SUMF1: variants seen among roughly 807,000 people sequenced by gnomAD.
SUMF1 encodes the protein formylglycine-generating enzyme.
A neutral mutation model predicts 47.6 loss-of-function variants in SUMF1; 48 were observed. The ratio of observed to expected loss-of-function variants is 1.01; its 90% CI spans 0.80 to 1.28. The LOEUF (loss-of-function observed/expected upper bound fraction) is 1.28, where lower values mean the gene tolerates loss of function less well. SUMF1 is among the 50% of genes most tolerant of loss of function. The probability of loss-of-function intolerance (pLI) is 0.00; values close to 1 mark genes in which losing one functional copy is unlikely to be tolerated. For synonymous variants in SUMF1, 230 were observed against 192.1 expected, an observed-to-expected ratio of 1.20 and a Z score of -1.63; for missense variants, 571 against 485.4, an observed-to-expected ratio of 1.18 and a Z score of -1.66.
chr3:4,418,240 G>A (rs1701781372), intron 4 of SUMF1, 108 bp from the exon 5 acceptor site: 1 of 1,506,326 alleles, frequency 6.6e-7, no homozygotes, highest in South Asian at 1.2e-5. Flanking sequence ...CTGTGACACT[G>A]AGGTCATCCT....
chr3:4,401,234 T>C (rs1476246830), intron 7 of SUMF1, among the ~76,000 whole-genome samples: 2 of 152,126 alleles, frequency 1.3e-5, no homozygotes, highest in Non-Finnish European at 2.9e-5. Context: ...TTTGGGTTGG[T>C]TCCAAGTCTT....
chr3:4,271,186 G>A (rs1221000036), intron 8 of SUMF1, among the ~76,000 whole-genome samples: 1 of 152,142 alleles, frequency 6.6e-6, no homozygotes, highest in African/African-American at 2.4e-5. Context: ...TTTTCTTTAT[G>A]AGGAAAAGTT....
chr3:4,283,733 T>A (rs1697575069), intron 8 of SUMF1, among the ~76,000 whole-genome samples: 1 of 152,216 alleles, frequency 6.6e-6, no homozygotes, highest in Non-Finnish European at 1.5e-5. Context: ...CAAGCTGCTA[T>A]AATAGAATAC....
At chr3:4,112,169 C>A (rs1159598828) in intron 8 of SUMF1, among the ~76,000 whole-genome samples, 2 of 152,018 alleles carry the variant, frequency 1.3e-5, no homozygotes, top group African/African-American at 4.8e-5. Flanking sequence ...TAAAGCAAAT[C>A]AGAATGCACT....
intron 8 of SUMF1, among the ~76,000 whole-genome samples, chr3:4,125,959 G>C (rs917858193): frequency 6.6e-6 from 1 of 152,014 alleles, no homozygotes; most frequent in Admixed American, 6.6e-5. Flanking sequence ...TTATAGGCAT[G>C]AGCCACCATG....
intron 9 of SUMF1, among the ~76,000 whole-genome samples, chr3:4,037,644 T>A (rs1001062166): frequency 1.3e-5 from 2 of 152,194 alleles, no homozygotes; most frequent in African/African-American, 4.8e-5. Context: ...TATTCTCAAT[T>A]CTATTTCTGT....
chr3:4,040,182 G>A (rs1378221773), intron 9 of SUMF1, among the ~76,000 whole-genome samples: 1 of 152,046 alleles, frequency 6.6e-6, no homozygotes, highest in African/African-American at 2.4e-5. Flanking sequence ...ACATCATTTT[G>A]TACTCCTTAA....
intron 8 of SUMF1, among the ~76,000 whole-genome samples, chr3:4,218,507 A>G (rs904789439): frequency 2.0e-5 from 3 of 152,084 alleles, no homozygotes; most frequent in African/African-American, 7.2e-5. Flanking sequence ...AAGCCAAAAC[A>G]ACACAGTACA....
intron 8 of SUMF1, among the ~76,000 whole-genome samples, chr3:4,167,085 T>A (rs1028970373): frequency 1.3e-5 from 2 of 152,090 alleles, no homozygotes; most frequent in African/African-American, 2.4e-5. Flanking sequence ...AAGATGTGTC[T>A]GGAGTTGGTT....
intron 8 of SUMF1, among the ~76,000 whole-genome samples, chr3:4,251,984 T>C (rs543275437): frequency 1.1e-4 from 16 of 152,344 alleles, no homozygotes; most frequent in South Asian, 4.1e-4. Context: ...AATTTTCATG[T>C]GACTCACTTT....
chr3:4,223,399 A>G (rs2125177027), intron 8 of SUMF1, among the ~76,000 whole-genome samples: 1 of 152,270 alleles, frequency 6.6e-6, no homozygotes, highest in South Asian at 2.1e-4. Flanking sequence ...CATAGCTCAC[A>G]GAGTTACCTT....
chr3:4,349,055 T>C (rs1167767403), intron 8 of SUMF1, among the ~76,000 whole-genome samples: 1 of 151,978 alleles, frequency 6.6e-6, no homozygotes, highest in Non-Finnish European at 1.5e-5. Flanking sequence ...GTCATCAGAG[T>C]GAACAAGCAA....
intron 8 of SUMF1, among the ~76,000 whole-genome samples, chr3:4,119,033 T>C (rs779339993): frequency 5.3e-5 from 8 of 152,076 alleles, no homozygotes; most frequent in Non-Finnish European, 1.2e-4. Context: ...ATTGATTTCA[T>C]TATTTACCTA....
intron 8 of SUMF1, among the ~76,000 whole-genome samples, chr3:4,219,543 T>C (rs1236503875): frequency 2.0e-5 from 3 of 152,178 alleles, no homozygotes; most frequent in East Asian, 3.9e-4. Context: ...CCCACAGTCA[T>C]GGTTGTCTAA....
At position 4,039,208 on chromosome 3, in the gene SUMF1, A is replaced by ATTTTTTTTTTTTTTTT. The variant is rs1213784165; in HGVS notation, c.1191+29360_1191+29361insAAAAAAAAAAAAAAAA. Among the ~76,000 whole-genome samples, 4 of 46,178 alleles carry ATTTTTTTTTTTTTTTT rather than the reference A, an allele frequency of 8.7e-5. No individual in the cohort carries two copies. In the Admixed American group the frequency reaches 1.0e-3, roughly 12 times the overall value. The allele number at this position is 46,178 out of a possible 152,430, so 30.3% of individuals were successfully genotyped here. ...CAAGCATGCCTGAAACATCTATGCA[A>ATTTTTTTTTTTTTTTT]ATTTTTTTTTTTTTTTTTTTTTTTT... On this transcript the variant is annotated intron_variant and NMD_transcript_variant, in intron 9 of 12. Transcript: ENST00000448413.
intron 8 of SUMF1, among the ~76,000 whole-genome samples, chr3:4,172,313 G>C (rs1694848867): frequency 6.6e-6 from 1 of 152,060 alleles, no homozygotes; most frequent in Admixed American, 6.6e-5. Context: ...TACAAGGAGA[G>C]ACATGCAGGA....
intron 8 of SUMF1, among the ~76,000 whole-genome samples, chr3:4,240,591 G>C (rs1272012599): frequency 6.6e-6 from 1 of 151,916 alleles, no homozygotes; most frequent in Non-Finnish European, 1.5e-5. Context: ...ATAACCAGAG[G>C]CTTAGACAAA....
intron 8 of SUMF1, among the ~76,000 whole-genome samples, chr3:4,209,816 C>A (rs1250439510): frequency 6.6e-6 from 1 of 152,052 alleles, no homozygotes; most frequent in East Asian, 1.9e-4. Flanking sequence ...TGTATAAGAT[C>A]ACTACGCTAA....
At chr3:4,124,778 G>A (rs927469290) in intron 8 of SUMF1, among the ~76,000 whole-genome samples, 16 of 150,322 alleles carry the variant, frequency 1.1e-4, no homozygotes, top group South Asian at 2.1e-4. Flanking sequence ...GTATTGATTT[G>A]AGAATACTAC....
Sources: gnomAD v4.1 joint callset for allele counts (sites outside exome capture counted in the v4.1 genomes callset) on GRCh38, gnomAD v4.1.1 for gene constraint, MANE v1.5 for transcripts, NCBI Gene and HGNC (gene_info 2026-07-23, HGNC 2026-07-21) for gene names.